Variants in KSR2 observed in about 807,000 individuals in gnomAD.
KSR2 encodes the protein kinase suppressor of ras 2.
In KSR2, 25 loss-of-function variants were observed where a neutral mutation model predicts 107.8. The observed-to-expected ratio is 0.23, with a 90% CI of 0.17 to 0.32. The LOEUF (loss-of-function observed/expected upper bound fraction) is 0.32. Among genes scored for constraint, KSR2 ranks in the 10% least tolerant of loss-of-function variants. The pLI is 1.00. For synonymous variants in KSR2, 480 were observed against 507.0 expected (o/e 0.95, Z 0.71); for missense variants, 887 against 1,268.9 (o/e 0.70, Z 4.57).
chr12:117,506,339 T>C (rs1314907063), intron 14 of KSR2, among the ~76,000 whole-genome samples: 2 of 152,236 alleles, frequency 1.3e-5, no homozygotes, highest in African/African-American at 4.8e-5. Context: ...TTCTCCATAT[T>C]ATATGTTAAT....
At chr12:117,805,198 G>A (rs1207678619) in intron 3 of KSR2, among the ~76,000 whole-genome samples, 3 of 152,188 alleles carry the variant, frequency 2.0e-5, no homozygotes, top group Non-Finnish European at 2.9e-5. Context: ...TTTAATTTGG[G>A]AGAACTTCTT....
At chr12:117,562,141 A>T (rs1233532185) in intron 7 of KSR2, among the ~76,000 whole-genome samples, 1 of 151,988 alleles carries the variant, frequency 6.6e-6, no homozygotes, top group Non-Finnish European at 1.5e-5. Flanking sequence ...TCCAGCACAA[A>T]GGTTTGGAGG....
At chr12:117,952,060 A>C (rs929381308) in intron 1 of KSR2, among the ~76,000 whole-genome samples, 4 of 152,008 alleles carry the variant, frequency 2.6e-5, no homozygotes, top group Non-Finnish European at 5.9e-5. Flanking sequence ...GAGATGAATA[A>C]ATTCTGGGGA....
intron 7 of KSR2, among the ~76,000 whole-genome samples, chr12:117,570,476 T>G (rs572489315): frequency 6.6e-6 from 1 of 152,124 alleles, no homozygotes; most frequent in Non-Finnish European, 1.5e-5. Context: ...CCCTATAACA[T>G]GTCTTCCAAG....
At chr12:117,504,180 G>T (rs1873540142) in intron 14 of KSR2, among the ~76,000 whole-genome samples, 1 of 152,178 alleles carries the variant, frequency 6.6e-6, no homozygotes, top group African/African-American at 2.4e-5. Flanking sequence ...TGTCCAGAGA[G>T]ATTAAAAACA....
chr12:117,761,494 A>G lies in KSR2; in HGVS notation c.503T>C (p.Ile168Thr), dbSNP rs1395444997. The G allele has an allele frequency of 6.2e-7, 1 of 1,613,302 alleles. No individual in the cohort carries two copies. Among genetic ancestry groups the G allele is most frequent in the Non-Finnish European group, 8.5e-7 (1 of 1,179,740 alleles). Residue 168 changes from isoleucine to threonine, a missense_variant, in exon 4 of 20, where the codon ATC (isoleucine) becomes ACC (threonine). Ile to Thr is a moderately conservative substitution (Grantham distance 89). Transcript: ENST00000339824. ...CCCCGTCTCTGTCGTGGGCCACTGG[A>G]TGGTCCAGTCTTGTTTGGAAAGGTT... ...GGNLSKQDWT[I>T]QWPTTETGKE...
intron 5 of KSR2, among the ~76,000 whole-genome samples, chr12:117,628,806 C>T (rs556262679): frequency 6.6e-6 from 1 of 152,374 alleles, no homozygotes; most frequent in Non-Finnish European, 1.5e-5. Context: ...GCCCTGCCCA[C>T]AGAGGTGGAG....
At chr12:117,741,602 G>A (rs949869276) in intron 4 of KSR2, among the ~76,000 whole-genome samples, 1 of 152,142 alleles carries the variant, frequency 6.6e-6, no homozygotes, top group Admixed American at 6.5e-5. Context: ...CAGAAGTGGG[G>A]ATTACAGTGA....
chr12:117,689,278 C>G (rs1186641455), intron 4 of KSR2, among the ~76,000 whole-genome samples: 1 of 151,966 alleles, frequency 6.6e-6, no homozygotes, highest in African/African-American at 2.4e-5. Flanking sequence ...GGTCATCCAC[C>G]AAAGGCCATG....
At chr12:117,960,763 G>A (rs1302596880) in intron 1 of KSR2, among the ~76,000 whole-genome samples, 1 of 151,850 alleles carries the variant, frequency 6.6e-6, no homozygotes, top group South Asian at 2.1e-4. Context: ...AGCTGTGGCA[G>A]AGACTACTAG....
At chr12:117,527,950 AGTGT>A (rs10664320) in intron 12 of KSR2, among the ~76,000 whole-genome samples, 6,884 of 142,604 alleles carry the variant, frequency 0.048, 214 homozygotes, top group African/African-American at 0.085. Flanking sequence ...GGAAGACACA[AGTGT>A]GTGTGTGTGT....
At chr12:117,756,918 G>A (rs1029852767) in intron 4 of KSR2, among the ~76,000 whole-genome samples, 4 of 152,084 alleles carry the variant, frequency 2.6e-5, no homozygotes, top group African/African-American at 7.2e-5. Flanking sequence ...AGCCAGGCAT[G>A]ATGGTGGGCA....
At chr12:117,905,318 T>A (rs535526472) in intron 1 of KSR2, among the ~76,000 whole-genome samples, 1 of 152,350 alleles carries the variant, frequency 6.6e-6, no homozygotes, top group South Asian at 2.1e-4. Flanking sequence ...ATTTTAGCTT[T>A]GTCCTAAATA....
At chr12:117,579,307 A>G in intron 6 of KSR2, 105 bp from the exon 7 acceptor site, 1 of 799,060 alleles carries the variant, frequency 1.3e-6, no homozygotes, top group Non-Finnish European at 2.1e-6. Context: ...CCTGGATTCC[A>G]GTCCTGTTTC....
Position 117,819,470 on chromosome 12 carries a change from TG to T in KSR2, c.472+35957del, listed in dbSNP as rs531684795. Among the ~76,000 whole-genome samples the T allele has an allele frequency of 5.3e-5, 8 of 152,230 alleles. No homozygotes were observed. In the South Asian group the frequency reaches 1.2e-3, roughly 24 times the overall value. On this transcript the variant is annotated intron_variant, in intron 3 of 19. Coordinates refer to ENST00000339824, the MANE Select transcript of KSR2 (RefSeq NM_173598.6). ...AGAACAAGGATGCTGGAGGGCACAGTGGGGGTAAAAGCCATGTTCACTCTTT... is the reference window on the plus strand; with the variant it reads ...AGAACAAGGATGCTGGAGGGCACAGTGGGGTAAAAGCCATGTTCACTCTTT...
chr12:117,947,218 AAAG>A (rs764717961), intron 1 of KSR2, among the ~76,000 whole-genome samples: 6 of 87,028 alleles, frequency 6.9e-5, no homozygotes, highest in South Asian at 7.9e-4. Flanking sequence ...AGAAAGAAAG[AAAG>A]AAAGAAAGAA....
At chr12:117,641,806 C>T (rs1359144968) in intron 5 of KSR2, among the ~76,000 whole-genome samples, 3 of 152,152 alleles carry the variant, frequency 2.0e-5, no homozygotes, top group South Asian at 4.1e-4. Flanking sequence ...GGTTTAGTAG[C>T]ACCTGAGGCG....
rs150104307 is a variant in KSR2 at position 117,680,484 on chromosome 12, C to T, written c.987-12826G>A. Reference sequence around the variant, plus strand: ...CACGGCTGCTCTAAACAATCCCTGCCCCCAGCATTGAAGGGTGAGATGATG... The same window carrying T: ...CACGGCTGCTCTAAACAATCCCTGCTCCCAGCATTGAAGGGTGAGATGATG... On this transcript the variant is annotated intron_variant, in intron 4 of 19. Coordinates refer to ENST00000339824, the MANE Select transcript of KSR2 (RefSeq NM_173598.6). 8.1e-4 allele frequency among the ~76,000 whole-genome samples: 123 copies of T among 152,246 alleles called. No individual in the cohort carries two copies. The Middle Eastern group carries it at 0.01, about 13-fold the overall frequency.
At chr12:117,652,370 G>A (rs1244317453) in intron 5 of KSR2, among the ~76,000 whole-genome samples, 1 of 152,048 alleles carries the variant, frequency 6.6e-6, no homozygotes, top group Non-Finnish European at 1.5e-5. Context: ...CTCTGGCATT[G>A]GCTAATTAAT....
Sources: gnomAD v4.1 joint callset for allele counts (sites outside exome capture counted in the v4.1 genomes callset) on GRCh38, gnomAD v4.1.1 for gene constraint, MANE v1.5 for transcripts, NCBI Gene and HGNC (gene_info 2026-07-23, HGNC 2026-07-21) for gene names.